Variants in STAG2 observed in about 807,000 individuals in gnomAD.
STAG2 encodes cohesin subunit SA-2.
Under a neutral mutation model 108.1 loss-of-function variants are expected in STAG2, and 14 were observed. The observed-to-expected ratio is 0.13, with a 90% CI of 0.09 to 0.20. The LOEUF (loss-of-function observed/expected upper bound fraction) is 0.20, where lower values mean the gene tolerates loss of function less well. STAG2 is among the 10% of genes least tolerant of loss of function. STAG2 has a pLI of 1.00. For missense variants in STAG2, 440 were observed against 940.9 expected, an observed-to-expected ratio of 0.47 and a Z score of 6.96; for synonymous variants, 307 against 302.7, an observed-to-expected ratio of 1.01 and a Z score of -0.15.
intron 27 of STAG2, among the ~76,000 whole-genome samples, chrX:124,078,911 A>G (rs192759815): frequency 3.0e-3 from 327 of 108,771 alleles, no homozygotes; most frequent in African/African-American, 0.011. Flanking sequence ...GGAGGTTGCA[A>G]TGAGCCAAGA....
At position 124,048,933 on chromosome X, in the gene STAG2, T is replaced by C. The variant is rs751533600; in HGVS notation, c.820-72T>C. The stretch of plus-strand genomic sequence containing the variant: ...TGGGGAATTCTGCTTTTTTTGTGCT[T>C]GTAACAACTTACAGGTGTTCATTTG... On this transcript the variant is annotated intron_variant, in intron 9 of 34. Transcript: ENST00000371145. 1.7e-5 allele frequency: 15 copies of C among 864,741 alleles called. 1 individual carries two copies. The highest frequency in any genetic ancestry group is 2.5e-5 in the Non-Finnish European group (15 of 593,264). 71.3% of individuals were successfully genotyped at this position (864,741 alleles called of 1,213,427 possible). A position where few individuals can be genotyped will look rare whatever the true frequency, so the allele number is the denominator to read the frequency against.
chrX:123,996,770 A>G (rs976976767), intron 1 of STAG2, among the ~76,000 whole-genome samples: 1 of 112,026 alleles, frequency 8.9e-6, no homozygotes, highest in Non-Finnish European at 1.9e-5. Flanking sequence ...GTATGAGTAT[A>G]ACATAATTTG....
At chrX:123,963,675 A>C (rs998278569) in intron 1 of STAG2, among the ~76,000 whole-genome samples, 1 of 110,373 alleles carries the variant, frequency 9.1e-6, no homozygotes, top group African/African-American at 3.3e-5. Context: ...CAGATGTTTA[A>C]GTTCGTTTTC....
At chrX:124,006,107 G>A (rs1332101384) in intron 1 of STAG2, among the ~76,000 whole-genome samples, 1 of 111,389 alleles carries the variant, frequency 9.0e-6, no homozygotes, top group Non-Finnish European at 1.9e-5. Context: ...TCCAAATAAG[G>A]TCATATTCTG....
Position 124,100,557 on chromosome X carries a change from T to C in STAG2, c.3784-17T>C, listed in dbSNP as rs765254413. On this transcript the variant is annotated splice_polypyrimidine_tract_variant and intron_variant, in intron 34 of 34. Transcript: ENST00000371145. ...TGACTTTTAACGAGATTTTCTCCCC[T>C]CTCTCTCTCTCATTAGGTTCTTGGA... 4.9e-4 allele frequency: 534 copies of C among 1,097,633 alleles called. 1 individual carries two copies. Among genetic ancestry groups the C allele is most frequent in the Middle Eastern group, 7.5e-4 (3 of 4,003 alleles). The allele number at this position is 1,097,633 out of a possible 1,213,427, so 90.5% of individuals were successfully genotyped here.
At chrX:124,082,876 T>C (rs1350792617) in intron 28 of STAG2, among the ~76,000 whole-genome samples, 3 of 111,725 alleles carry the variant, frequency 2.7e-5, no homozygotes, top group Non-Finnish European at 5.6e-5. Flanking sequence ...TCTGGATTGT[T>C]TTTTACTCAG....
At chrX:124,026,841 T>C (rs1358660065) in intron 4 of STAG2, among the ~76,000 whole-genome samples, 2 of 112,328 alleles carry the variant, frequency 1.8e-5, no homozygotes, top group East Asian at 5.5e-4. Context: ...AGCTTTCCCA[T>C]AAGTGACTGT....
At chrX:124,080,242 A>G (rs896165702) in intron 27 of STAG2, among the ~76,000 whole-genome samples, 1 of 110,915 alleles carries the variant, frequency 9.0e-6, no homozygotes, top group Admixed American at 9.7e-5. Context: ...TCCTACTGAA[A>G]CGTTGTTCCC....
intron 15 of STAG2, among the ~76,000 whole-genome samples, chrX:124,058,827 T>C (rs938524449): frequency 8.9e-5 from 10 of 112,288 alleles, no homozygotes; most frequent in African/African-American, 3.2e-5. Context: ...TATTACATAC[T>C]ATTATTTAAT....
At chrX:124,100,075 T>G (rs1400508573) in intron 34 of STAG2, among the ~76,000 whole-genome samples, 1 of 111,967 alleles carries the variant, frequency 8.9e-6, no homozygotes, top group Non-Finnish European at 1.9e-5. Context: ...AAAGAAAGCT[T>G]CTTGCTTTCT....
chrX:124,040,038 C>T (rs2057658652), intron 6 of STAG2, among the ~76,000 whole-genome samples: 1 of 111,455 alleles, frequency 9.0e-6, no homozygotes, highest in Non-Finnish European at 1.9e-5. Flanking sequence ...AGGCAATCTC[C>T]ATGAAGGGGA....
At chrX:124,072,114 C>A (rs1273939605) in intron 25 of STAG2, among the ~76,000 whole-genome samples, 3 of 111,199 alleles carry the variant, frequency 2.7e-5, no homozygotes, top group Non-Finnish European at 5.7e-5. Context: ...CTGACCAAAG[C>A]AGTCCTCCCC....
intron 1 of STAG2, among the ~76,000 whole-genome samples, chrX:123,995,445 A>G (rs2055684673): frequency 1.8e-5 from 2 of 112,031 alleles, no homozygotes; most frequent in Middle Eastern, 4.2e-3. Flanking sequence ...CTGTAATCTC[A>G]GCACTTTGGG....
chrX:123,970,384 GAAGTCATTTTCTGAGTTCTGTAGTC>G (rs1569487204), intron 1 of STAG2, among the ~76,000 whole-genome samples: 2 of 111,330 alleles, frequency 1.8e-5, no homozygotes, highest in Non-Finnish European at 3.8e-5. Context: ...AATAGTCACT[GAAGTCATTTTCTGAGTTCTGTAGTC>G]AAGTCATTTT....
At position 124,100,896 on chromosome X, in the gene STAG2, A is replaced by C. The variant is rs772151337; in HGVS notation, c.*299A>C. ...CATGCTTTTTTTTAAAAAAAAAAAAAAACAAAATAACAATCTGAAGAGGCA... is the reference window on the plus strand; with the variant it reads ...CATGCTTTTTTTTAAAAAAAAAAAACAACAAAATAACAATCTGAAGAGGCA... On this transcript the variant is annotated 3_prime_UTR_variant, in exon 35 of 35. Transcript: ENST00000371145. The C allele has an allele frequency of 3.7e-5, 8 of 216,873 alleles. No homozygotes were observed. The highest frequency in any genetic ancestry group is 5.8e-5 in the Non-Finnish European group (7 of 121,511). The allele number at this position is 216,873 out of a possible 1,213,427, so 17.9% of individuals were successfully genotyped here.
rs67492414 is a variant in STAG2 at position 124,100,883 on chromosome X, T to TAA, written c.*300_*301dup. 213 of 166,838 alleles carry TAA rather than the reference T, an allele frequency of 1.3e-3. No homozygotes were observed. The highest frequency in any genetic ancestry group is 1.6e-3 in the Non-Finnish European group (152 of 92,901). 13.7% of individuals were successfully genotyped at this position (166,838 alleles called of 1,213,427 possible). On this transcript the variant is annotated 3_prime_UTR_variant, in exon 35 of 35. Coordinates refer to ENST00000371145, the MANE Select transcript of STAG2 (RefSeq NM_001042750.2). ...GAATCGATTATTTCATGCTTTTTTTTAAAAAAAAAAAAAAACAAAATAACA... is the reference window on the plus strand; with the variant it reads ...GAATCGATTATTTCATGCTTTTTTTTAAAAAAAAAAAAAAAAACAAAATAACA...
At chrX:124,071,362 C>T (rs1569517817) in intron 25 of STAG2, 39 bp downstream of exon 25, 3 of 1,056,481 alleles carry the variant, frequency 2.8e-6, no homozygotes, top group African/African-American at 1.9e-5. Context: ...TCTGTGTCCA[C>T]CATAAAATCA....
At chrX:123,965,745 A>G (rs900028434) in intron 1 of STAG2, among the ~76,000 whole-genome samples, 5 of 111,281 alleles carry the variant, frequency 4.5e-5, no homozygotes, top group Non-Finnish European at 9.4e-5. Flanking sequence ...TGTAATACCA[A>G]CACTTTGGGA....
At chrX:124,083,822 C>T (rs1027498656) in intron 29 of STAG2, among the ~76,000 whole-genome samples, 5 of 111,954 alleles carry the variant, frequency 4.5e-5, no homozygotes, top group Non-Finnish European at 9.4e-5. Context: ...AGACTGGACT[C>T]ACTATGTTGC....
Sources: gnomAD v4.1 joint callset for allele counts (sites outside exome capture counted in the v4.1 genomes callset) on GRCh38, gnomAD v4.1.1 for gene constraint, MANE v1.5 for transcripts, NCBI Gene and HGNC (gene_info 2026-07-23, HGNC 2026-07-21) for gene names.